The following TIAM1 variants were observed in gnomAD, a reference collection of about 807,000 sequenced individuals.
The protein encoded by TIAM1 is rho guanine nucleotide exchange factor TIAM1.
TIAM1 carries 65 observed loss-of-function variants against 163.5 expected under a neutral mutation model. That is an observed-to-expected ratio of 0.40 (90% CI 0.33 to 0.49). The LOEUF is 0.49. TIAM1 is among the 20% of genes least tolerant of loss of function. The pLI, the probability that TIAM1 is intolerant of heterozygous loss-of-function variation, is 0.77. For missense variants in TIAM1, 1,789 were observed against 2,044.7 expected (o/e 0.87, Z 2.41); for synonymous variants, 833 against 810.1 (o/e 1.03, Z -0.48).
chr21:31,300,104 C>A (rs1231496445), intron 2 of TIAM1, among the ~76,000 whole-genome samples: 1 of 152,128 alleles, frequency 6.6e-6, no homozygotes, highest in Non-Finnish European at 1.5e-5. Flanking sequence ...TACCAGCCCC[C>A]CTTGGTACTG....
chr21:31,323,860 T>C (rs755817416), intron 2 of TIAM1, among the ~76,000 whole-genome samples: 1 of 151,622 alleles, frequency 6.6e-6, no homozygotes, highest in Non-Finnish European at 1.5e-5. Flanking sequence ...ATTTAAAAAT[T>C]AGCTGGGTGT....
At chr21:31,279,203 C>T (rs752440066) in intron 2 of TIAM1, among the ~76,000 whole-genome samples, 1 of 152,014 alleles carries the variant, frequency 6.6e-6, no homozygotes, top group Non-Finnish European at 1.5e-5. Flanking sequence ...GAAAGCAAAA[C>T]GGAGTCGATT....
chr21:31,357,534 AC>A (rs1422478234), intron 2 of TIAM1, among the ~76,000 whole-genome samples: 1 of 151,398 alleles, frequency 6.6e-6, no homozygotes, highest in African/African-American at 2.4e-5. Context: ...TCCAATCTCC[AC>A]CCCTTGCTCA....
chr21:31,221,531 C>G (rs960050186), intron 8 of TIAM1, among the ~76,000 whole-genome samples: 1 of 152,170 alleles, frequency 6.6e-6, no homozygotes, highest in Non-Finnish European at 1.5e-5. Context: ...ATTAGAGGGT[C>G]CGAAGATGAA....
At chr21:31,489,353 G>C (rs1156242571) in intron 1 of TIAM1, among the ~76,000 whole-genome samples, 31 of 120,332 alleles carry the variant, frequency 2.6e-4, no homozygotes, top group Non-Finnish European at 6.9e-5. Context: ...GTTGGTGACA[G>C]ACAAGGTTGG....
chr21:31,468,201 C>G (rs548777050), intron 1 of TIAM1, among the ~76,000 whole-genome samples: 1 of 151,858 alleles, frequency 6.6e-6, no homozygotes, highest in South Asian at 2.1e-4. Flanking sequence ...GTTGGTCACA[C>G]ACAGTGGCTC....
At chr21:31,343,822 C>G (rs750597152) in intron 1 of TIAM1, among the ~76,000 whole-genome samples, 1 of 152,204 alleles carries the variant, frequency 6.6e-6, no homozygotes, top group Non-Finnish European at 1.5e-5. Flanking sequence ...TACAATGATC[C>G]TCGCTTACAG....
chr21:31,415,290 CAAT>C (rs1381925106), intron 2 of TIAM1, among the ~76,000 whole-genome samples: 2 of 152,286 alleles, frequency 1.3e-5, no homozygotes, highest in Middle Eastern at 3.4e-3. Flanking sequence ...TTAACAACAA[CAAT>C]AATATTCATA....
intron 2 of TIAM1, among the ~76,000 whole-genome samples, chr21:31,392,087 T>G (rs1359939793): frequency 6.6e-6 from 1 of 152,218 alleles, no homozygotes; most frequent in Non-Finnish European, 1.5e-5. Context: ...TAAGGTAGGC[T>G]AGGCTAAGCT....
At chr21:31,298,748 G>GTGTA (rs1326167798) in intron 2 of TIAM1, among the ~76,000 whole-genome samples, 1 of 140,076 alleles carries the variant, frequency 7.1e-6, no homozygotes, top group African/African-American at 2.9e-5. Context: ...GTGTGTGTGT[G>GTGTA]TGTGTGTGTG....
chr21:31,233,445 C>T (rs774529338), intron 6 of TIAM1, among the ~76,000 whole-genome samples: 24 of 152,122 alleles, frequency 1.6e-4, no homozygotes, highest in African/African-American at 4.6e-4. Context: ...TGGTGGCTCA[C>T]GCCTGTAATC....
intron 14 of TIAM1, among the ~76,000 whole-genome samples, chr21:31,183,375 G>T (rs192836040): frequency 2.6e-5 from 4 of 152,064 alleles, no homozygotes; most frequent in Admixed American, 6.6e-5. Flanking sequence ...GTTCAAACTC[G>T]CACTGGAAGA....
chr21:31,157,713 A>C (rs1204353569), intron 16 of TIAM1, among the ~76,000 whole-genome samples: 1 of 152,104 alleles, frequency 6.6e-6, no homozygotes, highest in Non-Finnish European at 1.5e-5. Flanking sequence ...GAGTACCCAG[A>C]GAAAACCCAC....
At chr21:31,394,732 A>ACACT (rs2077031491) in intron 2 of TIAM1, among the ~76,000 whole-genome samples, 1 of 82,924 alleles carries the variant, frequency 1.2e-5, no homozygotes, top group Non-Finnish European at 2.5e-5. Context: ...TCTCTCTCAC[A>ACACT]CACACACACA....
chr21:31,526,814 G>A (rs1429652801), intron 1 of TIAM1, among the ~76,000 whole-genome samples: 2 of 152,072 alleles, frequency 1.3e-5, no homozygotes, highest in African/African-American at 4.8e-5. Flanking sequence ...CGATTTTCCT[G>A]CCTCAACCTC....
intron 2 of TIAM1, among the ~76,000 whole-genome samples, chr21:31,320,841 T>A (rs1032492222): frequency 6.6e-6 from 1 of 151,954 alleles, no homozygotes; most frequent in African/African-American, 2.4e-5. Context: ...AAAAACACAA[T>A]AATTAGCCAG....
At chr21:31,243,209 A>AAATAT (rs59419171) in intron 6 of TIAM1, among the ~76,000 whole-genome samples, 30 of 117,278 alleles carry the variant, frequency 2.6e-4, no homozygotes, top group African/African-American at 1.1e-3. Flanking sequence ...AAAAAAAAAA[A>AAATAT]ATATATATAT....
At chr21:31,264,162 G>T (rs2072632601) in intron 4 of TIAM1, among the ~76,000 whole-genome samples, 1 of 152,086 alleles carries the variant, frequency 6.6e-6, no homozygotes, top group Non-Finnish European at 1.5e-5. Flanking sequence ...GGGTACACGT[G>T]CATGTTTGTT....
chr21:31,330,043 T>C (rs1397350349), intron 2 of TIAM1, among the ~76,000 whole-genome samples: 1 of 152,200 alleles, frequency 6.6e-6, no homozygotes, highest in Non-Finnish European at 1.5e-5. Flanking sequence ...ACATCATTAT[T>C]ACCCAAAGTC....
Sources: allele counts gnomAD v4.1 joint callset (sites outside exome capture counted in the v4.1 genomes callset), GRCh38; gene constraint gnomAD v4.1.1; transcripts MANE v1.5; gene names NCBI Gene and HGNC (gene_info 2026-07-23, HGNC 2026-07-21).